TMEFF2: variants seen among roughly 807,000 people sequenced by gnomAD.
TMEFF2 encodes the protein tomoregulin-2.
In TMEFF2, 28 loss-of-function variants were observed where a neutral mutation model predicts 53.8. That is an observed-to-expected ratio of 0.52 (90% confidence interval 0.39 to 0.71). The LOEUF (loss-of-function observed/expected upper bound fraction) is 0.71. TMEFF2 is among the 30% of genes least tolerant of loss of function. TMEFF2 has a pLI of 0.00. For synonymous variants in TMEFF2, 162 were observed against 166.3 expected (o/e 0.97, Z 0.20); for missense variants, 353 against 455.2 (o/e 0.78, Z 2.04).
chr2:191,998,184 A>G (rs1686269227), intron 7 of TMEFF2, 78 bp downstream of exon 7: 1 of 1,134,548 alleles, frequency 8.8e-7, no homozygotes, highest in Non-Finnish European at 1.3e-6. Context: ...TCACTTTGGA[A>G]TAAGTAGTAA....
rs368847696 is a variant in TMEFF2, at chr2:192,132,249, A to C, written c.439+47419T>G. Reference sequence around the variant, plus strand: ...CCCTCCCCCACCTGCCCAGCAATTTACTCTTAAAAAGGTGGCTGGAGCCAA... The same window carrying C: ...CCCTCCCCCACCTGCCCAGCAATTTCCTCTTAAAAAGGTGGCTGGAGCCAA... On this transcript the variant is annotated intron_variant, in intron 4 of 9. Coordinates refer to ENST00000272771, the MANE Select transcript of TMEFF2 (RefSeq NM_016192.4). Among the ~76,000 whole-genome samples, 110 of 151,684 alleles carry C rather than the reference A, an allele frequency of 7.3e-4. 3 individuals are homozygous for C. In the East Asian group the frequency reaches 0.016, roughly 22 times the overall value.
intron 7 of TMEFF2, 97 bp downstream of exon 7, chr2:191,998,165 T>C: frequency 1.0e-6 from 1 of 961,714 alleles, no homozygotes; most frequent in South Asian, 1.6e-5. Context: ...GTTAGAAGTC[T>C]TGCAAGCTTC....
At chr2:192,075,332 T>TATATATATATATATATATATATATATAC (rs796267672) in intron 4 of TMEFF2, among the ~76,000 whole-genome samples, 11 of 88,140 alleles carry the variant, frequency 1.2e-4, no homozygotes, top group South Asian at 4.3e-4. Context: ...TATATATATA[T>TATATATATATATATATATATATATATAC]ACATACATAC....
At chr2:192,101,937 C>G (rs1689040326) in intron 4 of TMEFF2, among the ~76,000 whole-genome samples, 2 of 152,088 alleles carry the variant, frequency 1.3e-5, no homozygotes, top group South Asian at 4.1e-4. Context: ...GTTTCCCTAT[C>G]AATAAAATGG....
At chr2:192,106,561 TTTTC>T (rs1450300383) in intron 4 of TMEFF2, among the ~76,000 whole-genome samples, 6 of 151,930 alleles carry the variant, frequency 3.9e-5, no homozygotes, top group African/African-American at 1.4e-4. Flanking sequence ...GTGTTAATTA[TTTTC>T]TTTAATGAAT....
At chr2:192,124,316 T>C (rs1355034967) in intron 4 of TMEFF2, among the ~76,000 whole-genome samples, 1 of 152,324 alleles carries the variant, frequency 6.6e-6, no homozygotes, top group East Asian at 1.9e-4. Context: ...ATGGTTTCAT[T>C]TAGACTGATA....
At chr2:192,138,915 T>TG (rs951570833) in intron 4 of TMEFF2, among the ~76,000 whole-genome samples, 22 of 152,262 alleles carry the variant, frequency 1.4e-4, no homozygotes, top group African/African-American at 5.3e-4. Flanking sequence ...ATTTTCTCCC[T>TG]GGGGGGTTCA....
intron 4 of TMEFF2, among the ~76,000 whole-genome samples, chr2:192,130,156 T>C (rs1205205129): frequency 1.3e-5 from 2 of 152,210 alleles, no homozygotes; most frequent in African/African-American, 4.8e-5. Context: ...ATTAAACAGT[T>C]ACTATTATTT....
At chr2:191,987,367 C>T (rs1422441426) in intron 7 of TMEFF2, among the ~76,000 whole-genome samples, 1 of 151,720 alleles carries the variant, frequency 6.6e-6, no homozygotes, top group Non-Finnish European at 1.5e-5. Flanking sequence ...TTGTTATAGA[C>T]ATCGAAAGTT....
intron 8 of TMEFF2, among the ~76,000 whole-genome samples, chr2:191,954,895 T>TCAA (rs1337099346): frequency 6.6e-6 from 1 of 152,020 alleles, no homozygotes; most frequent in Non-Finnish European, 1.5e-5. Flanking sequence ...TTAAAGAGGA[T>TCAA]CAACATATCA....
intron 7 of TMEFF2, among the ~76,000 whole-genome samples, chr2:191,956,940 C>A (rs1383481844): frequency 6.6e-6 from 1 of 152,032 alleles, no homozygotes; most frequent in African/African-American, 2.4e-5. Flanking sequence ...TTTTTTGTTG[C>A]CACAATAAAC....
intron 4 of TMEFF2, among the ~76,000 whole-genome samples, chr2:192,097,653 A>C (rs557836987): frequency 6.6e-6 from 1 of 152,278 alleles, no homozygotes; most frequent in African/African-American, 2.4e-5. Context: ...GAATAAGACA[A>C]ATACACAGGT....
chr2:192,027,492 A>G (rs1687000743), intron 5 of TMEFF2, among the ~76,000 whole-genome samples: 1 of 152,234 alleles, frequency 6.6e-6, no homozygotes, highest in Non-Finnish European at 1.5e-5. Flanking sequence ...ATACGAAAGA[A>G]AAGAACAAGT....
intron 7 of TMEFF2, among the ~76,000 whole-genome samples, chr2:191,990,740 C>T (rs1686084064): frequency 6.8e-6 from 1 of 146,248 alleles, no homozygotes; most frequent in Admixed American, 6.9e-5. Flanking sequence ...TCATTAAAAA[C>T]ATTTGTTTTG....
At chr2:192,136,265 C>G (rs966597373) in intron 4 of TMEFF2, among the ~76,000 whole-genome samples, 10 of 152,112 alleles carry the variant, frequency 6.6e-5, no homozygotes, top group African/African-American at 2.4e-4. Flanking sequence ...AGGTTAAATA[C>G]AAGTCATTTT....
intron 4 of TMEFF2, among the ~76,000 whole-genome samples, chr2:192,081,700 C>G (rs1165059208): frequency 6.6e-6 from 1 of 151,366 alleles, no homozygotes; most frequent in Non-Finnish European, 1.5e-5. Context: ...AAAAATATAA[C>G]GGAGGAATGG....
At chr2:192,189,963 AC>A (rs1457179062) in intron 2 of TMEFF2, among the ~76,000 whole-genome samples, 2 of 152,226 alleles carry the variant, frequency 1.3e-5, no homozygotes, top group Admixed American at 6.5e-5. Flanking sequence ...TTACAAAAAA[AC>A]AATTTACATT....
intron 5 of TMEFF2, among the ~76,000 whole-genome samples, chr2:192,016,801 G>T (rs955466982): frequency 6.6e-6 from 1 of 152,162 alleles, no homozygotes; most frequent in African/African-American, 2.4e-5. Context: ...AAGAAAAATT[G>T]CAAAGCAGAA....
At chr2:192,126,971 T>C (rs1689692987) in intron 4 of TMEFF2, among the ~76,000 whole-genome samples, 1 of 152,216 alleles carries the variant, frequency 6.6e-6, no homozygotes. Flanking sequence ...ATTTTGTTGT[T>C]TTGCTATGTA....
Sources: gnomAD v4.1 joint callset for allele counts (sites outside exome capture counted in the v4.1 genomes callset) on GRCh38, gnomAD v4.1.1 for gene constraint, MANE v1.5 for transcripts, NCBI Gene and HGNC (gene_info 2026-07-23, HGNC 2026-07-21) for gene names.